Variants in SZRD1 observed in about 807,000 individuals in gnomAD.
SZRD1 encodes SUZ RNA-binding domain-containing.
In SZRD1, 7 loss-of-function variants were observed where a neutral mutation model predicts 17.6. The ratio of observed to expected loss-of-function variants is 0.40; its 90% CI spans 0.23 to 0.75. The LOEUF (loss-of-function observed/expected upper bound fraction) is 0.75. SZRD1 is among the 30% of genes least tolerant of loss of function. The pLI is 0.38. For synonymous variants in SZRD1, 77 were observed against 77.9 expected (o/e 0.99, Z 0.06); for missense variants, 178 against 201.8 (o/e 0.88, Z 0.71).
intron 1 of SZRD1, among the ~76,000 whole-genome samples, chr1:16,373,527 C>T (rs544018959): frequency 4.5e-4 from 67 of 147,676 alleles, no homozygotes; most frequent in Middle Eastern, 3.6e-3. Context: ...TGCGGTGAGC[C>T]GAGATTGCAC....
intron 1 of SZRD1, chr1:16,387,062 G>A (rs776853056): frequency 3.1e-6 from 1 of 322,326 alleles, no homozygotes; most frequent in East Asian, 8.8e-5. Flanking sequence ...CAGGGCTGGT[G>A]TGAGCAGAAA....
chr1:16,372,499 A>G (rs971968617), intron 1 of SZRD1, among the ~76,000 whole-genome samples: 5 of 152,154 alleles, frequency 3.3e-5, no homozygotes, highest in African/African-American at 1.2e-4. Context: ...TAGTGTTGGT[A>G]ATGAGCTAAC....
At chr1:16,371,028 C>T (rs936737868) in intron 1 of SZRD1, among the ~76,000 whole-genome samples, 3 of 152,158 alleles carry the variant, frequency 2.0e-5, no homozygotes, top group South Asian at 4.1e-4. Flanking sequence ...TCCCCTCTTC[C>T]TACTGGTAAT....
intron 1 of SZRD1, among the ~76,000 whole-genome samples, chr1:16,382,791 G>A (rs989296860): frequency 1.3e-5 from 2 of 151,548 alleles, no homozygotes; most frequent in African/African-American, 2.4e-5. Flanking sequence ...CCACTGTGCC[G>A]AGTCGGGACC....
Position 16,367,324 on chromosome 1 carries a change from C to T in SZRD1, c.51+16C>T, listed in dbSNP as rs746045736. The T allele has an allele frequency of 5.8e-6, 9 of 1,547,358 alleles. No homozygotes were observed. The Middle Eastern group carries it at 6.9e-4, about 118-fold the overall frequency. On this transcript the variant is annotated intron_variant, in intron 1 of 3. Coordinates refer to ENST00000401088, the MANE Select transcript of SZRD1 (RefSeq NM_001114600.3). ...AGACAGCGGGGTAAGGAGGAGCCGC[C>T]GTCCCATGGCAGGGCCGGGCGAGAC...
chr1:16,381,049 C>T (rs2083091819), intron 1 of SZRD1, among the ~76,000 whole-genome samples: 1 of 150,056 alleles, frequency 6.7e-6, no homozygotes, highest in African/African-American at 2.5e-5. Context: ...CATCACTGCA[C>T]TCCAGCCTGG....
At chr1:16,368,341 A>G (rs2082858098) in intron 1 of SZRD1, among the ~76,000 whole-genome samples, 1 of 151,774 alleles carries the variant, frequency 6.6e-6, no homozygotes. Context: ...TTTTTTTCCT[A>G]AGCGCTTTTT....
chr1:16,370,856 T>C (rs572034406), intron 1 of SZRD1, among the ~76,000 whole-genome samples: 11 of 152,326 alleles, frequency 7.2e-5, no homozygotes, highest in African/African-American at 2.6e-4. Context: ...GTCTTGAATT[T>C]GATTCCCTTT....
In SZRD1 at chr1:16,397,657, T is replaced by A. The variant is rs1339927877; in HGVS notation, c.*2517T>A. ...CTAACCGCTTCCCATGAGCCACTAC[T>A]CTGATGTCAGCCTATAACCAAAGGA... On this transcript the variant is annotated 3_prime_UTR_variant, in exon 4 of 4. Transcript: ENST00000401088. This position sits in a 1 kb window ranked among gnomAD's most constrained non-coding sequence, Gnocchi z 5.4. The A allele has an allele frequency of 6.6e-6, 1 of 152,466 alleles. No homozygotes were observed. The highest frequency in any genetic ancestry group is 1.5e-5 in the Non-Finnish European group (1 of 68,274). 9.4% of individuals were successfully genotyped at this position (152,466 alleles called of 1,614,324 possible).
chr1:16,367,456 G>T (rs1280056562), intron 1 of SZRD1, 148 bp downstream of exon 1: 11 of 678,706 alleles, frequency 1.6e-5, no homozygotes, highest in Middle Eastern at 4.1e-4. Context: ...GTTCCTGAGC[G>T]CCGTGAAGGC....
chr1:16,393,286 G>A lies in SZRD1; in HGVS notation c.160G>A (p.Ala54Thr), dbSNP rs373464217. ...TGTGATTCAGGACGATAGCCTTCCC[G>A]CGGGGCCCCCTCCACAGATCCGCAT... is the stretch of plus-strand genomic sequence containing the variant. ...PIVIQDDSLP[A>T]GPPPQIRILK... Residue 54 changes from alanine to threonine, a missense_variant, in exon 3 of 4, where the codon GCG becomes ACG. Coordinates refer to ENST00000401088, the MANE Select transcript of SZRD1 (RefSeq NM_001114600.3). This position sits in a 1 kb window ranked among gnomAD's most constrained non-coding sequence, Gnocchi z 5.6. 502 of 1,614,020 alleles carry A rather than the reference G, an allele frequency of 3.1e-4. No homozygotes were observed. The highest frequency in any genetic ancestry group is 4.1e-4 in the Non-Finnish European group (482 of 1,180,022).
intron 1 of SZRD1, chr1:16,387,432 G>C: frequency 2.2e-6 from 1 of 449,234 alleles, no homozygotes; most frequent in Non-Finnish European, 4.5e-6. Context: ...GAAAGTGAAA[G>C]TTCACATAGT....
chr1:16,374,641 G>C (rs1005699764), intron 1 of SZRD1, among the ~76,000 whole-genome samples: 2 of 152,162 alleles, frequency 1.3e-5, no homozygotes, highest in African/African-American at 4.8e-5. Flanking sequence ...CATTCCAGGG[G>C]CCAGCCCTTT....
intron 1 of SZRD1, among the ~76,000 whole-genome samples, chr1:16,373,465 G>C (rs1221617860): frequency 7.8e-6 from 1 of 127,812 alleles, no homozygotes; most frequent in African/African-American, 2.5e-5. Context: ...TGTAATCCCA[G>C]CTACTCGGGA....
chr1:16,369,085 C>T (rs909970670), intron 1 of SZRD1: 60 of 327,454 alleles, frequency 1.8e-4, no homozygotes, highest in Non-Finnish European at 2.5e-4. Context: ...CGTGTTCTTT[C>T]TTTTTTCTTT....
In SZRD1 at chr1:16,397,668, C is replaced by G. The variant is rs1458060064; in HGVS notation, c.*2528C>G. ...CCATGAGCCACTACTCTGATGTCAGCCTATAACCAAAGGAGCTGGGGGGTC... is the reference window on the plus strand; with the variant it reads ...CCATGAGCCACTACTCTGATGTCAGGCTATAACCAAAGGAGCTGGGGGGTC... On this transcript the variant is annotated 3_prime_UTR_variant, in exon 4 of 4. Transcript: ENST00000401088. This position sits in a 1 kb window ranked among gnomAD's most constrained non-coding sequence, Gnocchi z 5.4. The G allele has an allele frequency of 5.9e-5, 9 of 152,364 alleles. No individual in the cohort carries two copies. The highest frequency in any genetic ancestry group is 1.3e-4 in the Non-Finnish European group (9 of 68,180). 9.4% of individuals were successfully genotyped at this position (152,364 alleles called of 1,614,324 possible). A position where few individuals can be genotyped will look rare whatever the true frequency, so the allele number is the denominator to read the frequency against.
At chr1:16,382,586 C>A (rs892929125) in intron 1 of SZRD1, among the ~76,000 whole-genome samples, 4 of 151,964 alleles carry the variant, frequency 2.6e-5, no homozygotes, top group Admixed American at 6.6e-5. Context: ...CCTCCCCCTC[C>A]CGAGTTCAAG....
chr1:16,387,122 T>G (rs1007714627), intron 1 of SZRD1: 4 of 355,556 alleles, frequency 1.1e-5, no homozygotes, highest in Admixed American at 7.8e-5. Flanking sequence ...TATATCGATA[T>G]AAGGTATTAT....
intron 1 of SZRD1, among the ~76,000 whole-genome samples, chr1:16,389,271 G>T (rs1449373962): frequency 1.4e-5 from 2 of 138,138 alleles, no homozygotes; most frequent in East Asian, 4.1e-4. Context: ...TTTTTTGAGG[G>T]GGGGTGGGGG....
Sources: allele counts gnomAD v4.1 joint callset (sites outside exome capture counted in the v4.1 genomes callset), GRCh38; gene constraint gnomAD v4.1.1; non-coding constraint Gnocchi (gnomAD v3.1); transcripts MANE v1.5; gene names NCBI Gene and HGNC (gene_info 2026-07-23, HGNC 2026-07-21).